The following ASTN2 variants were observed in gnomAD, a reference collection of about 807,000 sequenced individuals.
ASTN2 encodes the protein astrotactin-2.
Under a neutral mutation model 139.8 loss-of-function variants are expected in ASTN2, and 54 were observed. The observed-to-expected ratio is 0.39, with a 90% CI of 0.31 to 0.48. The LOEUF (loss-of-function observed/expected upper bound fraction) is 0.48, where lower values mean the gene tolerates loss of function less well. Among genes scored for constraint, ASTN2 ranks in the 20% least tolerant of loss-of-function variants. The pLI is 0.95. For missense variants in ASTN2, 1,565 were observed against 1,725.1 expected (o/e 0.91, Z 1.64); for synonymous variants, 756 against 719.5 (o/e 1.05, Z -0.81).
In ASTN2 at chr9:117,120,018, G is replaced by GTATATATA. The variant is rs200361826; in HGVS notation, c.1168+21300_1168+21307dup. Among the ~76,000 whole-genome samples the GTATATATA allele has an allele frequency of 2.7e-3, 124 of 45,980 alleles. 3 individuals are homozygous for GTATATATA. Among genetic ancestry groups the GTATATATA allele is most frequent in the African/African-American group, 4.7e-3 (57 of 12,190 alleles). The allele number at this position is 45,980 out of a possible 152,430, so 30.2% of individuals were successfully genotyped here. A position where few individuals can be genotyped will look rare whatever the true frequency, so the allele number is the denominator to read the frequency against. On this transcript the variant is annotated intron_variant, in intron 4 of 22. Transcript: ENST00000313400. ...TGTGTGTGTGTGTGTGTGTGTGTGT[G>GTATATATA]TATATATATATATATATATATATAT...
At chr9:117,244,344 T>C (rs967681106) in intron 2 of ASTN2, among the ~76,000 whole-genome samples, 6 of 152,268 alleles carry the variant, frequency 3.9e-5, no homozygotes, top group Non-Finnish European at 8.8e-5. Flanking sequence ...GATGTACATA[T>C]ACATACTAGG....
intron 5 of ASTN2, among the ~76,000 whole-genome samples, chr9:117,089,574 G>T (rs1828651895): frequency 1.3e-5 from 2 of 151,532 alleles, no homozygotes; most frequent in South Asian, 2.1e-4. Flanking sequence ...GTGGTATTTG[G>T]TTACATGAAT....
chr9:116,980,162 G>A (rs1053061683), intron 7 of ASTN2, among the ~76,000 whole-genome samples: 1 of 152,112 alleles, frequency 6.6e-6, no homozygotes, highest in African/African-American at 2.4e-5. Flanking sequence ...TGGCCTTAGG[G>A]AAGTCGCCTT....
chr9:116,497,747 GC>G (rs1472644623), intron 19 of ASTN2, among the ~76,000 whole-genome samples: 1 of 152,084 alleles, frequency 6.6e-6, no homozygotes, highest in African/African-American at 2.4e-5. Flanking sequence ...ATGAAGGAAG[GC>G]CAAGTTCTCC....
rs755380730 is a variant in ASTN2 at position 116,820,725 on chromosome 9, C to G, written c.2099G>C (p.Gly700Ala). Residue 700 changes from glycine (G) to alanine (A), a missense_variant, in exon 12 of 23, where the codon GGC (glycine) becomes GCC (alanine). Physicochemically the swap from Gly to Ala is moderately conservative, Grantham distance 60 (BLOSUM62 0). Transcript: ENST00000313400. ...ATTAAAGCCATCAGAGCAGTCAATG[C>G]CTTTGGAGTGGTCGTAGCAGCCAGA... is the stretch of plus-strand genomic sequence containing the variant. The part of the protein sequence containing the change: ...DGSGCYDHSK[G>A]IDCSDGFNGG... 3 of 1,614,174 alleles carry G rather than the reference C, an allele frequency of 1.9e-6. No individual in the cohort carries two copies. The Admixed American group carries it at 5.0e-5, about 27-fold the overall frequency.
At chr9:117,313,474 G>T (rs1462027006) in intron 1 of ASTN2, among the ~76,000 whole-genome samples, 1 of 152,120 alleles carries the variant, frequency 6.6e-6, no homozygotes, top group Non-Finnish European at 1.5e-5. Context: ...ACAGAGAGGT[G>T]GCGCAAAGAA....
At chr9:117,050,847 T>C (rs1324539365) in intron 5 of ASTN2, among the ~76,000 whole-genome samples, 2 of 152,120 alleles carry the variant, frequency 1.3e-5, no homozygotes, top group African/African-American at 4.8e-5. Flanking sequence ...ATGAGGCTTT[T>C]CCTGATGGCC....
At chr9:116,992,662 T>A (rs772674118) in intron 7 of ASTN2, among the ~76,000 whole-genome samples, 1 of 152,128 alleles carries the variant, frequency 6.6e-6, no homozygotes, top group Non-Finnish European at 1.5e-5. Context: ...GGTGTTGTCA[T>A]CTCCTAGGTC....
chr9:116,568,929 G>A (rs1164855743), intron 19 of ASTN2: 1 of 152,164 alleles, frequency 6.6e-6, no homozygotes, highest in Non-Finnish European at 1.5e-5. Flanking sequence ...TTTAGGCAAG[G>A]TGAGGCCTTT....
intron 12 of ASTN2, among the ~76,000 whole-genome samples, chr9:116,819,931 C>T (rs1418163405): frequency 6.6e-6 from 1 of 152,300 alleles, no homozygotes; most frequent in Non-Finnish European, 1.5e-5. Flanking sequence ...GATCTCTTTT[C>T]ACAGATGGTC....
rs148593717 is a variant in ASTN2 at position 117,358,949 on chromosome 9, G to A, written c.442+55548C>T. Among the ~76,000 whole-genome samples, 5 of 152,166 alleles carry A rather than the reference G, an allele frequency of 3.3e-5. No homozygotes were observed. The East Asian group carries it at 5.8e-4, about 18-fold the overall frequency. ...CCTCTCACTAGCTTCTTCCTGAAAC[G>A]TTGATCTCCAACATCGGTGAATGGT... On this transcript the variant is annotated intron_variant, in intron 1 of 22. Coordinates refer to ENST00000313400, the MANE Select transcript of ASTN2 (RefSeq NM_001365068.1).
intron 19 of ASTN2, among the ~76,000 whole-genome samples, chr9:116,493,941 C>G (rs1849597032): frequency 6.6e-6 from 1 of 152,136 alleles, no homozygotes; most frequent in Non-Finnish European, 1.5e-5. Flanking sequence ...TGCAGATGCT[C>G]TTTGTCATGG....
At chr9:117,203,065 A>G (rs1473947312) in intron 3 of ASTN2, among the ~76,000 whole-genome samples, 2 of 151,476 alleles carry the variant, frequency 1.3e-5, no homozygotes, top group South Asian at 2.1e-4. Flanking sequence ...TCTTGTCTGC[A>G]TGTCTTATTT....
chr9:116,896,075 A>C (rs114251213), intron 10 of ASTN2, among the ~76,000 whole-genome samples: 1 of 152,176 alleles, frequency 6.6e-6, no homozygotes, highest in Non-Finnish European at 1.5e-5. Flanking sequence ...AGAAAATCAC[A>C]TATTATTCAT....
chr9:116,488,649 G>GT (rs1215414797), intron 19 of ASTN2, among the ~76,000 whole-genome samples: 1 of 152,102 alleles, frequency 6.6e-6, no homozygotes, highest in African/African-American at 2.4e-5. Flanking sequence ...ATAATGTGAA[G>GT]TTAAAAACAG....
chr9:116,704,236 TTTAA>T (rs1827930930), intron 16 of ASTN2, among the ~76,000 whole-genome samples: 2 of 152,222 alleles, frequency 1.3e-5, no homozygotes, highest in Non-Finnish European at 2.9e-5. Context: ...GCTCTAAGAT[TTTAA>T]TTAATTTGTT....
At chr9:117,185,774 T>A (rs1433724135) in intron 3 of ASTN2, among the ~76,000 whole-genome samples, 2 of 151,816 alleles carry the variant, frequency 1.3e-5, no homozygotes, top group East Asian at 3.9e-4. Context: ...CATGCAGAGG[T>A]TAGGAAGCAT....
At chr9:117,204,670 AG>A (rs1329476465) in intron 3 of ASTN2, among the ~76,000 whole-genome samples, 3 of 152,226 alleles carry the variant, frequency 2.0e-5, no homozygotes, top group African/African-American at 7.2e-5. Flanking sequence ...ATTAGGGGCT[AG>A]GAAAACTCCT....
In ASTN2 at chr9:116,985,255, C is replaced by A. The variant is rs182358182; in HGVS notation, c.1592-8470G>T. On this transcript the variant is annotated intron_variant, in intron 7 of 22. Coordinates refer to ENST00000313400, the MANE Select transcript of ASTN2 (RefSeq NM_001365068.1). The stretch of plus-strand genomic sequence containing the variant: ...AAAGCACTGAGACAAATGTGGACTC[C>A]GCATTGTAGCTGCCGGCCCCTTATT... 5.8e-4 allele frequency among the ~76,000 whole-genome samples: 89 copies of A among 152,318 alleles called. 1 individual carries two copies. The highest frequency in any genetic ancestry group is 5.6e-3 in the East Asian group (29 of 5,184).
Sources: allele counts gnomAD v4.1 joint callset (sites outside exome capture counted in the v4.1 genomes callset), GRCh38; gene constraint gnomAD v4.1.1; transcripts MANE v1.5; gene names NCBI Gene and HGNC (gene_info 2026-07-23, HGNC 2026-07-21).